The following DISC1 variants were observed in gnomAD, a reference collection of about 807,000 sequenced individuals.
DISC1 encodes disrupted in schizophrenia 1 protein.
In DISC1, 57 loss-of-function variants were observed where a neutral mutation model predicts 84.5. That is an observed-to-expected ratio of 0.67 (90% CI 0.55 to 0.84). The LOEUF is 0.84. Among genes scored for constraint, DISC1 ranks in the 40% least tolerant of loss-of-function variants. DISC1 has a pLI of 0.00. For synonymous variants in DISC1, 411 were observed against 415.2 expected (o/e 0.99, Z 0.12); for missense variants, 1,000 against 1,057.8 (o/e 0.95, Z 0.76).
chr1:232,026,787 T>C (rs1669517146), intron 12 of DISC1, among the ~76,000 whole-genome samples: 1 of 135,190 alleles, frequency 7.4e-6, no homozygotes, highest in South Asian at 2.4e-4. Flanking sequence ...TTTTTTTTGA[T>C]GCCTTGGCTG....
chr1:231,800,115 T>C lies in DISC1; in HGVS notation c.1697T>C (p.Met566Thr). ...TCATTTCTCTCCCCCTAGGTGTGTATGAGTGAGAAATTCTGCAGCACCCTG... is the reference window on the plus strand; with the variant it reads ...TCATTTCTCTCCCCCTAGGTGTGTACGAGTGAGAAATTCTGCAGCACCCTG... The part of the protein sequence containing the change: ...SLKEITTKVC[M>T]SEKFCSTLRK... The change falls in exon 8 of 13, where the codon ATG becomes ACG. Residue 566 changes from methionine to threonine, a missense_variant. Transcript: ENST00000439617. 6.2e-7 allele frequency: 1 copy of C among 1,610,470 alleles called. No individual in the cohort carries two copies. Among genetic ancestry groups the C allele is most frequent in the Non-Finnish European group, 8.5e-7 (1 of 1,179,002 alleles).
chr1:231,650,682 G>A (rs527259166), intron 1 of DISC1, among the ~76,000 whole-genome samples: 2 of 152,260 alleles, frequency 1.3e-5, no homozygotes, highest in East Asian at 1.9e-4. Flanking sequence ...CATTCTCCCC[G>A]TCACTTTCAG....
At chr1:232,033,254 A>G (rs1485482751) in intron 12 of DISC1, among the ~76,000 whole-genome samples, 1 of 152,100 alleles carries the variant, frequency 6.6e-6, no homozygotes, top group Non-Finnish European at 1.5e-5. Context: ...TCCATTTTCC[A>G]TATCCCACAT....
rs189955508 is a variant in DISC1, at chr1:231,693,806, G to A, written c.68-20G>A. On this transcript the variant is annotated intron_variant, in intron 1 of 12. Coordinates refer to ENST00000439617, the MANE Select transcript of DISC1 (RefSeq NM_018662.3). ...GTAAGATCTGCATGTTTATGGTGCT[G>A]TTTTTTCTTTTCTTCCCAGGCAGCC... 3.6e-5 allele frequency: 58 copies of A among 1,612,498 alleles called. No homozygotes were observed. Among genetic ancestry groups the A allele is most frequent in the African/African-American group, 5.3e-5 (4 of 74,998 alleles).
chr1:231,661,512 C>G (rs757567807), intron 1 of DISC1, among the ~76,000 whole-genome samples: 1 of 152,134 alleles, frequency 6.6e-6, no homozygotes, highest in African/African-American at 2.4e-5. Flanking sequence ...CTCTGAAATT[C>G]TTTCCTCCAC....
At chr1:231,742,822 A>T (rs2073472844) in intron 3 of DISC1, among the ~76,000 whole-genome samples, 1 of 152,196 alleles carries the variant, frequency 6.6e-6, no homozygotes, top group East Asian at 1.9e-4. Flanking sequence ...AGGCAGGAGG[A>T]TCGCTTGAGC....
At chr1:231,663,556 A>G (rs1028719828) in intron 1 of DISC1, among the ~76,000 whole-genome samples, 1 of 152,060 alleles carries the variant, frequency 6.6e-6, no homozygotes, top group African/African-American at 2.4e-5. Flanking sequence ...GAACATTCTC[A>G]CTTTGGTTGT....
intron 6 of DISC1, among the ~76,000 whole-genome samples, chr1:231,791,777 G>A (rs1471682848): frequency 6.6e-6 from 1 of 152,212 alleles, no homozygotes; most frequent in Non-Finnish European, 1.5e-5. Flanking sequence ...CGGAACTCCT[G>A]CTTGTCAGCA....
At chr1:231,842,508 C>T (rs2083150176) in intron 9 of DISC1, among the ~76,000 whole-genome samples, 1 of 152,152 alleles carries the variant, frequency 6.6e-6, no homozygotes, top group African/African-American at 2.4e-5. Flanking sequence ...TTTGCCAACT[C>T]CTATGTAGGT....
chr1:231,933,023 A>G (rs1166208251), intron 9 of DISC1, among the ~76,000 whole-genome samples: 5 of 152,250 alleles, frequency 3.3e-5, no homozygotes, highest in African/African-American at 1.2e-4. Flanking sequence ...CCACCCGAGC[A>G]TCACCATAGT....
intron 1 of DISC1, among the ~76,000 whole-genome samples, chr1:231,659,848 G>T (rs186264514): frequency 5.9e-5 from 9 of 152,010 alleles, no homozygotes; most frequent in African/African-American, 2.2e-4. Context: ...AGACTGTTAT[G>T]ATTTCAGCTC....
intron 9 of DISC1, among the ~76,000 whole-genome samples, chr1:231,837,582 C>T (rs1344169874): frequency 2.0e-5 from 2 of 98,174 alleles, no homozygotes; most frequent in Non-Finnish European, 4.9e-5. Flanking sequence ...TATTTCTGAT[C>T]TATATATTTT....
intron 9 of DISC1, among the ~76,000 whole-genome samples, chr1:231,827,683 G>A (rs1467235963): frequency 1.3e-5 from 2 of 152,188 alleles, no homozygotes; most frequent in Non-Finnish European, 2.9e-5. Flanking sequence ...TGACTGCTTT[G>A]AGGAGCTAGT....
intron 9 of DISC1, among the ~76,000 whole-genome samples, chr1:231,900,595 T>C (rs992197354): frequency 2.0e-5 from 3 of 152,210 alleles, no homozygotes; most frequent in Non-Finnish European, 4.4e-5. Flanking sequence ...TATAAGGCCA[T>C]ATTCTTTTGT....
chr1:231,657,569 G>A (rs538972189), intron 1 of DISC1, among the ~76,000 whole-genome samples: 1 of 152,280 alleles, frequency 6.6e-6, no homozygotes, highest in African/African-American at 2.4e-5. Context: ...CCTATGTCCT[G>A]AATGGTATTG....
chr1:232,009,495 ATTT>A lies in DISC1; in HGVS notation c.2307+447_2307+449del. 1 of 687,020 alleles carries A rather than the reference ATTT, an allele frequency of 1.5e-6. No individual in the cohort carries two copies. Among genetic ancestry groups the A allele is most frequent in the Non-Finnish European group, 1.8e-6 (1 of 558,672 alleles). The allele number at this position is 687,020 out of a possible 1,614,324, so 42.6% of individuals were successfully genotyped here. On this transcript the variant is annotated intron_variant, in intron 11 of 12. Coordinates refer to ENST00000439617, the MANE Select transcript of DISC1 (RefSeq NM_018662.3). This position sits in a 1 kb window ranked among gnomAD's most constrained non-coding sequence, Gnocchi z 4.6. The stretch of plus-strand genomic sequence containing the variant: ...AATCTATATATTACAATATATTATT[ATTT>A]ATTTGAATGAAACATTCAAATATAT...
chr1:231,926,211 C>G (rs1238149582), intron 9 of DISC1, among the ~76,000 whole-genome samples: 2 of 152,232 alleles, frequency 1.3e-5, no homozygotes, highest in Admixed American at 1.3e-4. Flanking sequence ...TTCTACATAT[C>G]CCATTTGTGG....
In DISC1 at chr1:231,626,812, C is replaced by G. The variant is rs888968533; in HGVS notation, c.-56C>G. 16 of 1,302,590 alleles carry G rather than the reference C, an allele frequency of 1.2e-5. No homozygotes were observed. The highest frequency in any genetic ancestry group is 1.6e-5 in the African/African-American group (1 of 63,684). The allele number at this position is 1,302,590 out of a possible 1,614,324, so 80.7% of individuals were successfully genotyped here. On this transcript the variant is annotated 5_prime_UTR_variant, in exon 1 of 13. Coordinates refer to ENST00000439617, the MANE Select transcript of DISC1 (RefSeq NM_018662.3). ...GCTCCCTTCCCCCCGCCTCTGGCCT[C>G]GGGGAAGGAGCAGGAGGCAGCCCAG... is the stretch of plus-strand genomic sequence containing the variant.
chr1:231,639,202 A>C (rs2059428319), intron 1 of DISC1, among the ~76,000 whole-genome samples: 1 of 152,192 alleles, frequency 6.6e-6, no homozygotes, highest in African/African-American at 2.4e-5. Flanking sequence ...TTTCATGTAG[A>C]TTGCGTGTTC....
Sources: allele counts gnomAD v4.1 joint callset (sites outside exome capture counted in the v4.1 genomes callset), GRCh38; gene constraint gnomAD v4.1.1; non-coding constraint Gnocchi (gnomAD v3.1); transcripts MANE v1.5; gene names NCBI Gene and HGNC (gene_info 2026-07-23, HGNC 2026-07-21).